Variants in EML6 observed in about 807,000 individuals in gnomAD.
EML6 encodes the protein echinoderm microtubule-associated protein-like 6.
In EML6, 154 loss-of-function variants were observed where a neutral mutation model predicts 240.1. The ratio of observed to expected loss-of-function variants is 0.64; its 90% confidence interval spans 0.56 to 0.73. EML6 has a LOEUF of 0.73. Among genes scored for constraint, EML6 ranks in the 30% least tolerant of loss-of-function variants. The probability of loss-of-function intolerance (pLI) is 0.00; values close to 1 mark genes in which losing one functional copy is unlikely to be tolerated. For synonymous variants in EML6, 1,148 were observed against 899.0 expected, an observed-to-expected ratio of 1.28 and a Z score of -4.95; for missense variants, 2,964 against 2,474.6, an observed-to-expected ratio of 1.20 and a Z score of -4.20.
At chr2:54,949,195 C>T (rs761855115) in intron 29 of EML6, among the ~76,000 whole-genome samples, 4 of 152,220 alleles carry the variant, frequency 2.6e-5, no homozygotes, top group South Asian at 4.2e-4. Flanking sequence ...CCTTTCAGTA[C>T]TAAATCTAAG....
rs1558521094 is a variant in EML6 at position 54,744,959 on chromosome 2, CA to C, written c.197+19702del. On this transcript the variant is annotated intron_variant, in intron 2 of 41. Coordinates refer to ENST00000356458, the MANE Select transcript of EML6 (RefSeq NM_001039753.4). The stretch of plus-strand genomic sequence containing the variant: ...ACACACACACACACACACACACACA[CA>C]CACCCTGCCATGCAGGCCTTCCCAG... Among the ~76,000 whole-genome samples, 155 of 94,938 alleles carry C rather than the reference CA, an allele frequency of 1.6e-3. 3 individuals carry two copies. Among genetic ancestry groups the C allele is most frequent in the South Asian group, 7.1e-3 (17 of 2,408 alleles). 62.3% of individuals were successfully genotyped at this position (94,938 alleles called of 152,430 possible).
intron 16 of EML6, among the ~76,000 whole-genome samples, chr2:54,873,103 C>G (rs1324243592): frequency 6.6e-6 from 1 of 152,218 alleles, no homozygotes; most frequent in African/African-American, 2.4e-5. Flanking sequence ...TGCACTTTGT[C>G]TTGCCTTTCC....
chr2:54,755,172 T>C (rs1684343930), intron 2 of EML6, among the ~76,000 whole-genome samples: 1 of 152,250 alleles, frequency 6.6e-6, no homozygotes. Flanking sequence ...AGTGGCAACC[T>C]TGTCATAAAT....
Position 54,961,184 on chromosome 2 carries a change from G to GTTGTTTTTTTTTCTTTTTT in EML6, c.4968+852_4968+853insGTTTTTTTTTCTTTTTTTT. 3.6e-5 allele frequency among the ~76,000 whole-genome samples: 2 copies of GTTGTTTTTTTTTCTTTTTT among 55,424 alleles called. 1 individual carries two copies. The highest frequency in any genetic ancestry group is 6.3e-5 in the Non-Finnish European group (2 of 31,670). 36.4% of individuals were successfully genotyped at this position (55,424 alleles called of 152,430 possible). On this transcript the variant is annotated intron_variant, in intron 35 of 41. Transcript: ENST00000356458. ...GGAGCCTGGAAGTTATCAGGAAGTA[G>GTTGTTTTTTTTTCTTTTTT]TTTTTTTTTTTTTTTTTTTGAGACG...
chr2:54,760,632 T>G (rs556860172), intron 2 of EML6, among the ~76,000 whole-genome samples: 29 of 152,270 alleles, frequency 1.9e-4, no homozygotes, highest in African/African-American at 7.0e-4. Flanking sequence ...TCAAATTCAA[T>G]TTGTTTTGCC....
chr2:54,753,519 G>T (rs1684264533), intron 2 of EML6, among the ~76,000 whole-genome samples: 1 of 152,180 alleles, frequency 6.6e-6, no homozygotes, highest in African/African-American at 2.4e-5. Context: ...ATGCTATGAG[G>T]AAGGCTCGAC....
chr2:54,773,229 C>G (rs763979072), intron 2 of EML6, among the ~76,000 whole-genome samples: 1 of 152,226 alleles, frequency 6.6e-6, no homozygotes, highest in Non-Finnish European at 1.5e-5. Flanking sequence ...TTGGAAGTAA[C>G]CAGAGCTACA....
At position 54,895,347 on chromosome 2, in the gene EML6, A is replaced by C; in HGVS notation, c.2929A>C (p.Asn977His). 1 of 1,552,062 alleles carries C rather than the reference A, an allele frequency of 6.4e-7. No homozygotes were observed. The highest frequency in any genetic ancestry group is 8.7e-7 in the Non-Finnish European group (1 of 1,147,000). The change falls in exon 21 of 42, where the codon AAT (asparagine) becomes CAT (histidine). Residue 977 changes from asparagine (N) to histidine (H), a missense_variant. By Grantham distance (68) the Asn-to-His change is moderately conservative. Coordinates refer to ENST00000356458, the MANE Select transcript of EML6 (RefSeq NM_001039753.4). ...GHGHILVGTKNGEILEIDKSG... is the reference protein window; with the variant it reads ...GHGHILVGTKHGEILEIDKSG... ...TGGACATATCCTGGTGGGAACAAAA[A>C]ATGGAGAGATTCTGGAAATTGATAA...
Position 54,968,235 on chromosome 2 carries a change from A to G in EML6, c.5705A>G (p.Asp1902Gly). Residue 1902 changes from aspartate (D) to glycine (G), a missense_variant, in exon 40 of 42, where the codon GAC becomes GGC. Physicochemically the swap from Asp to Gly is moderately conservative, Grantham distance 94 (BLOSUM62 -1). Coordinates refer to ENST00000356458, the MANE Select transcript of EML6 (RefSeq NM_001039753.4). ...HAGLNIVTGD[D>G]FGLVKLFDFP... ...GGCCTGAACATTGTCACAGGAGATG[A>G]CTTTGGGCTGGTGAAGCTCTTTGAT... 6.4e-7 allele frequency: 1 copy of G among 1,551,724 alleles called. No homozygotes were observed.
chr2:54,766,139 C>T (rs185774423), intron 2 of EML6, among the ~76,000 whole-genome samples: 1 of 152,256 alleles, frequency 6.6e-6, no homozygotes, highest in Admixed American at 6.5e-5. Context: ...GCAGACCAGA[C>T]ACCTTGTGTA....
chr2:54,738,970 C>T (rs1048121094), intron 2 of EML6, among the ~76,000 whole-genome samples: 8 of 152,128 alleles, frequency 5.3e-5, no homozygotes, highest in African/African-American at 1.9e-4. Context: ...TGGCCAGATG[C>T]GGTGGCTCAC....
At position 54,899,752 on chromosome 2, in the gene EML6, C is replaced by T. The variant is rs371499697; in HGVS notation, c.3094C>T (p.Arg1032Cys). 1.7e-5 allele frequency: 27 copies of T among 1,551,446 alleles called. No individual in the cohort carries two copies. Among genetic ancestry groups the T allele is most frequent in the Admixed American group, 2.0e-5 (1 of 50,942 alleles). Residue 1032 changes from arginine to cysteine, a missense_variant, in exon 22 of 42, where the codon CGT becomes TGT. Transcript: ENST00000356458. ...LRIWELSAQH[R>C]MLAVRKLKKG... ...CATCTGGGAACTATCTGCCCAGCAC[C>T]GTATGCTGGCAGTACGGAAACTCAA...
At position 54,844,263 on chromosome 2, in the gene EML6, C is replaced by T; in HGVS notation, c.1049+15C>T. On this transcript the variant is annotated intron_variant, in intron 8 of 41. Transcript: ENST00000356458. ...CGCTCTGTCAGGTGAGGCCCTACCG[C>T]CGTCACCTCTCTGACTTCTTTGAGA... 1 of 1,545,456 alleles carries T rather than the reference C, an allele frequency of 6.5e-7. No homozygotes were observed. Among genetic ancestry groups the T allele is most frequent in the South Asian group, 1.2e-5 (1 of 83,920 alleles).
rs375217290 is a variant in EML6, at chr2:54,803,450, G to A, written c.198-9782G>A. ...GGCTGTATCTTTGCCTCATACCTTC[G>A]TCAAGCCACCCTAGACCCTCCTCTA... On this transcript the variant is annotated intron_variant, in intron 2 of 41. Transcript: ENST00000356458. Among the ~76,000 whole-genome samples the A allele has an allele frequency of 2.3e-3, 343 of 152,152 alleles. 14 individuals carry two copies. In the South Asian group the frequency reaches 0.067, roughly 30 times the overall value.
intron 9 of EML6, among the ~76,000 whole-genome samples, chr2:54,849,521 CT>C (rs1266348884): frequency 6.6e-6 from 1 of 152,234 alleles, no homozygotes; most frequent in Non-Finnish European, 1.5e-5. Context: ...CGGAGTCTTG[CT>C]CTGTCGCCCA....
intron 28 of EML6, 125 bp downstream of exon 28, chr2:54,928,876 A>T (rs1003047571): frequency 2.7e-6 from 3 of 1,129,512 alleles, no homozygotes; most frequent in Non-Finnish European, 3.8e-6. Context: ...ATCTTCACAG[A>T]GTCTTCACCT....
At chr2:54,733,023 C>G (rs1244785814) in intron 2 of EML6, among the ~76,000 whole-genome samples, 1 of 152,326 alleles carries the variant, frequency 6.6e-6, no homozygotes, top group South Asian at 2.1e-4. Flanking sequence ...TTTATCAGTT[C>G]ATTCCTTTCT....
In EML6 at chr2:54,847,565, G is replaced by A. The variant is rs900443182; in HGVS notation, c.1129G>A (p.Asp377Asn). Residue 377 changes from aspartate to asparagine, a missense_variant, in exon 9 of 42, where the codon GAC becomes AAC. Transcript: ENST00000356458. ...EAVRSVAFSP[D>N]GSQLALGMKD... ...GGTTCGCAGTGTAGCTTTCAGCCCC[G>A]ACGGATCTCAGCTGGCCCTGGGCAT... The A allele has an allele frequency of 3.9e-6, 6 of 1,552,316 alleles. No homozygotes were observed. The highest frequency in any genetic ancestry group is 1.4e-5 in the African/African-American group (1 of 73,158).
intron 35 of EML6, among the ~76,000 whole-genome samples, chr2:54,962,182 C>T (rs1676550979): frequency 6.6e-6 from 1 of 150,864 alleles, no homozygotes; most frequent in Non-Finnish European, 1.5e-5. Context: ...AATTCCTGGG[C>T]TCAAGCAATC....
Sources: gnomAD v4.1 joint callset for allele counts (sites outside exome capture counted in the v4.1 genomes callset) on GRCh38, gnomAD v4.1.1 for gene constraint, MANE v1.5 for transcripts, NCBI Gene and HGNC (gene_info 2026-07-23, HGNC 2026-07-21) for gene names.